The following PRELID2 variants were observed in gnomAD, a reference collection of about 807,000 sequenced individuals.
PRELID2 encodes PRELI domain-containing protein 2.
PRELID2 carries 25 observed loss-of-function variants against 28.4 expected under a neutral mutation model. The observed-to-expected ratio is 0.88, with a 90% confidence interval of 0.64 to 1.23. The LOEUF (loss-of-function observed/expected upper bound fraction) is 1.23. PRELID2 is among the 50% of genes most tolerant of loss of function. The probability of loss-of-function intolerance (pLI) is 0.00; values close to 1 mark genes in which losing one functional copy is unlikely to be tolerated. For missense variants in PRELID2, 201 were observed against 214.4 expected, an observed-to-expected ratio of 0.94 and a Z score of 0.39; for synonymous variants, 76 against 71.6, an observed-to-expected ratio of 1.06 and a Z score of -0.31.
At chr5:145,270,879 C>T in the PRELID2 span, among the ~76,000 whole-genome samples, 2 of 152,036 alleles carry the variant, frequency 1.3e-5, no homozygotes, top group African/African-American at 4.8e-5. Context: ...TAAAGAAATA[C>T]CCAAGACTGA....
In PRELID2 at chr5:145,540,365, C is replaced by T. The variant is rs140252189; in HGVS notation, n.71-67050G>A. Reference sequence around the variant, plus strand: ...GCCAACCATTTGATACAGAATTTCACTCCCAGTAATACTTACACTAGTATA... The same window carrying T: ...GCCAACCATTTGATACAGAATTTCATTCCCAGTAATACTTACACTAGTATA... On this transcript the variant is annotated intron_variant and non_coding_transcript_variant, in intron 1 of 2. Coordinates refer to the PRELID2 transcript ENST00000510259. Among the ~76,000 whole-genome samples the T allele has an allele frequency of 3.9e-3, 593 of 152,092 alleles. 5 individuals carry two copies. The highest frequency in any genetic ancestry group is 0.014 in the African/African-American group (566 of 41,534).
At chr5:145,442,474 C>T in the PRELID2 span, among the ~76,000 whole-genome samples, 1 of 151,926 alleles carries the variant, frequency 6.6e-6, no homozygotes, top group Non-Finnish European at 1.5e-5. Flanking sequence ...CCAGGTGGAT[C>T]GGCAGGTTGA....
the PRELID2 span, among the ~76,000 whole-genome samples, chr5:145,361,035 T>C: frequency 6.6e-6 from 1 of 152,198 alleles, no homozygotes; most frequent in East Asian, 1.9e-4. Flanking sequence ...AAAGCCTATG[T>C]AAAAATATTT....
the PRELID2 span, among the ~76,000 whole-genome samples, chr5:145,242,160 G>C: frequency 6.6e-6 from 1 of 151,944 alleles, no homozygotes; most frequent in Non-Finnish European, 1.5e-5. Flanking sequence ...TTATATGTGT[G>C]TGTGAATATA....
chr5:145,709,246 C>G (rs534774966), intron 1 of PRELID2, among the ~76,000 whole-genome samples: 1 of 152,352 alleles, frequency 6.6e-6, no homozygotes, highest in Non-Finnish European at 1.5e-5. Flanking sequence ...CTTCTTGCTT[C>G]TTCACCAATA....
the PRELID2 span, among the ~76,000 whole-genome samples, chr5:145,464,222 G>A: frequency 5.9e-5 from 9 of 151,834 alleles, no homozygotes; most frequent in Non-Finnish European, 8.8e-5. Context: ...GTTGAGAAAA[G>A]CCTAAGAGCT....
At chr5:145,528,710 CACACACACACACACACAGAGAGAGAG>C (rs893129005) in intron 1 of PRELID2, among the ~76,000 whole-genome samples, 3 of 127,928 alleles carry the variant, frequency 2.3e-5, no homozygotes, top group African/African-American at 9.1e-5. Context: ...CACACACACA[CACACACACACACACACAGAGAGAGAG>C]AGAGAGAGAG....
chr5:145,393,309 AACTTGGCGGGGTCC>A, the PRELID2 span, among the ~76,000 whole-genome samples: 395 of 152,256 alleles, frequency 2.6e-3, 2 homozygotes, highest in African/African-American at 8.9e-3. Flanking sequence ...GGGGAAATAT[AACTTGGCGGGGTCC>A]ACTCTGTCAG....
intron 1 of PRELID2, among the ~76,000 whole-genome samples, chr5:145,825,177 G>T (rs570489773): frequency 8.0e-6 from 1 of 125,236 alleles, no homozygotes; most frequent in East Asian, 2.7e-4. Context: ...AGTGAGCCGA[G>T]ATCATGCCAC....
chr5:145,512,808 G>A (rs749410764), intron 1 of PRELID2, among the ~76,000 whole-genome samples: 1 of 152,216 alleles, frequency 6.6e-6, no homozygotes, highest in Non-Finnish European at 1.5e-5. Flanking sequence ...AAACTTTGCT[G>A]TTCTGCAGCC....
chr5:145,794,419 G>C (rs1561616441), intron 5 of PRELID2, among the ~76,000 whole-genome samples: 1 of 152,170 alleles, frequency 6.6e-6, no homozygotes, highest in Non-Finnish European at 1.5e-5. Context: ...AAGTATTAGT[G>C]AAGTTCGTGA....
chr5:145,243,958 T>G, the PRELID2 span, among the ~76,000 whole-genome samples: 1 of 152,108 alleles, frequency 6.6e-6, no homozygotes, highest in African/African-American at 2.4e-5. Flanking sequence ...ATTTGTTTGT[T>G]TGTTTTTTGA....
chr5:145,829,041 T>G (rs1232362347), intron 1 of PRELID2, among the ~76,000 whole-genome samples: 1 of 151,106 alleles, frequency 6.6e-6, no homozygotes, highest in Non-Finnish European at 1.5e-5. Flanking sequence ...CTGTGTGGTT[T>G]GGGGTTTTGT....
At chr5:145,481,522 G>A (rs1752158882) in intron 1 of PRELID2, among the ~76,000 whole-genome samples, 2 of 147,776 alleles carry the variant, frequency 1.4e-5, no homozygotes, top group Admixed American at 1.4e-4. Context: ...GTACTCTAGA[G>A]AATTGGATCT....
chr5:145,444,857 C>A, the PRELID2 span, among the ~76,000 whole-genome samples: 1 of 151,908 alleles, frequency 6.6e-6, no homozygotes, highest in African/African-American at 2.4e-5. Context: ...GATAAAGAAT[C>A]TACTTTCGGG....
chr5:145,559,646 G>A (rs1752910064), intron 1 of PRELID2, among the ~76,000 whole-genome samples: 1 of 151,956 alleles, frequency 6.6e-6, no homozygotes, highest in African/African-American at 2.4e-5. Context: ...TCTGGCTCTA[G>A]CACGAGTGCC....
At chr5:145,504,348 T>G (rs1221478661) in intron 1 of PRELID2, among the ~76,000 whole-genome samples, 1 of 152,206 alleles carries the variant, frequency 6.6e-6, no homozygotes, top group Non-Finnish European at 1.5e-5. Flanking sequence ...TTAGAGTAAC[T>G]GGCCCATAGT....
the PRELID2 span, among the ~76,000 whole-genome samples, chr5:145,285,228 G>A: frequency 6.6e-6 from 1 of 152,116 alleles, no homozygotes; most frequent in Non-Finnish European, 1.5e-5. Flanking sequence ...TTAGAAGATG[G>A]CATTACTATG....
At chr5:145,755,375 C>T (rs561544198), downstream of PRELID2, among the ~76,000 whole-genome samples, 413 of 152,306 alleles carry the variant, frequency 2.7e-3, 3 homozygotes, top group African/African-American at 9.1e-3. Context: ...AATGCTCCTG[C>T]TCATTCCTCT....
Sources: allele counts gnomAD v4.1 joint callset (sites outside exome capture counted in the v4.1 genomes callset), GRCh38; gene constraint gnomAD v4.1.1; transcripts MANE v1.5; gene names NCBI Gene and HGNC (gene_info 2026-07-23, HGNC 2026-07-21).